TGFB1I1: variants seen among roughly 807,000 people sequenced by gnomAD.
The protein encoded by TGFB1I1 is transforming growth factor beta 1 induced transcript 1.
A neutral mutation model predicts 52.0 loss-of-function variants in TGFB1I1; 33 were observed. The observed-to-expected ratio is 0.63, with a 90% CI of 0.48 to 0.85. The LOEUF (loss-of-function observed/expected upper bound fraction) is 0.85, where lower values mean the gene tolerates loss of function less well. Ranked by LOEUF, TGFB1I1 falls within the 40% of genes least tolerant of loss-of-function variation. The probability of loss-of-function intolerance (pLI) is 0.00; values close to 1 mark genes in which losing one functional copy is unlikely to be tolerated. For missense variants in TGFB1I1, 577 were observed against 614.9 expected, an observed-to-expected ratio of 0.94 and a Z score of 0.65; for synonymous variants, 236 against 253.3, an observed-to-expected ratio of 0.93 and a Z score of 0.65.
Position 31,474,534 on chromosome 16 carries a change from A to T in TGFB1I1, c.520-29A>T. The T allele has an allele frequency of 1.2e-6, 2 of 1,611,012 alleles. No homozygotes were observed. The highest frequency in any genetic ancestry group is 8.5e-7 in the Non-Finnish European group (1 of 1,177,996). On this transcript the variant is annotated intron_variant, in intron 6 of 10. Transcript: ENST00000394863. This position sits in a 1 kb window ranked among gnomAD's most constrained non-coding sequence, Gnocchi z 4.2. ...CAATTCCACATCTGCTGCTTTGCTGACTCAATTCTCATGTCCTCCCCGCTG... is the reference window on the plus strand; with the variant it reads ...CAATTCCACATCTGCTGCTTTGCTGTCTCAATTCTCATGTCCTCCCCGCTG...
chr16:31,472,306 G>A, intron 1 of TGFB1I1, 105 bp downstream of exon 1: 1 of 1,360,592 alleles, frequency 7.3e-7, no homozygotes, highest in Non-Finnish European at 9.5e-7. Context: ...TCTTACTTCT[G>A]CTTTTCGCCT....
intron 1 of TGFB1I1, 22 bp downstream of exon 1, chr16:31,472,223 G>A (rs763499552): frequency 1.3e-6 from 2 of 1,489,438 alleles, no homozygotes; most frequent in African/African-American, 2.9e-5. Context: ...CGGATCCCCG[G>A]GTCCGTGGCC....
In TGFB1I1 at chr16:31,474,371, C is replaced by T. The variant is rs766555107; in HGVS notation, c.435C>T (p.Gly145=). 3 of 1,614,204 alleles carry T rather than the reference C, an allele frequency of 1.9e-6. No individual in the cohort carries two copies. The highest frequency in any genetic ancestry group is 2.5e-6 in the Non-Finnish European group (3 of 1,180,048). ...ACAGCCCTTCCAGCCCGTCTCCTGG[C>T]CTCCCAAAGGCTTCTGCCACCTCAG... ...RPSLPSSPSP[G]LPKASATSAT... is the part of the protein sequence containing the mutation. Residue 145 remains glycine, a synonymous_variant, in exon 6 of 11, where the codon GGC becomes GGT. Coordinates refer to ENST00000394863, the MANE Select transcript of TGFB1I1 (RefSeq NM_001042454.3). This position sits in a 1 kb window ranked among gnomAD's most constrained non-coding sequence, Gnocchi z 4.2.
intron 1 of TGFB1I1, chr16:31,473,064 G>T: frequency 2.6e-6 from 1 of 377,514 alleles, no homozygotes; most frequent in Non-Finnish European, 3.8e-6. Flanking sequence ...TGTGTAGGTA[G>T]AGGGAGGAGT....
rs766950842 is a variant in TGFB1I1 at position 31,476,421 on chromosome 16, G to C, written c.889-60G>C. On this transcript the variant is annotated intron_variant, in intron 8 of 10. Coordinates refer to ENST00000394863, the MANE Select transcript of TGFB1I1 (RefSeq NM_001042454.3). This position sits in a 1 kb window ranked among gnomAD's most constrained non-coding sequence, Gnocchi z 7.6. ...CTTAGTCCAGTCACCCGGGTTCCGC[G>C]CGGGAGAGGAAGGCGCGAAGGCACG... The C allele has an allele frequency of 2.9e-5, 45 of 1,533,722 alleles. No homozygotes were observed. The highest frequency in any genetic ancestry group is 3.8e-5 in the Non-Finnish European group (43 of 1,123,134).
rs1354983429 is a variant in TGFB1I1 at position 31,474,710 on chromosome 16, C to G, written c.667C>G (p.Gln223Glu). 6.2e-7 allele frequency: 1 copy of G among 1,612,660 alleles called. No individual in the cohort carries two copies. The highest frequency in any genetic ancestry group is 8.5e-7 in the Non-Finnish European group (1 of 1,179,616). The change falls in exon 7 of 11, where the codon CAG (glutamine) becomes GAG (glutamate). Residue 223 changes from glutamine (Q) to glutamate (E), a missense_variant. Gln to Glu is a conservative substitution (Grantham distance 29). Coordinates refer to ENST00000394863, the MANE Select transcript of TGFB1I1 (RefSeq NM_001042454.3). This position sits in a 1 kb window ranked among gnomAD's most constrained non-coding sequence, Gnocchi z 4.2. ...CCTCAGCCGCCGGGGTGTTCCCACC[C>G]AGGCCAAAGGCCTCTGTGGCTCCTG... ...SDLSRRGVPTQAKGLCGSCNK... is the reference protein window; with the variant it reads ...SDLSRRGVPTEAKGLCGSCNK...
intron 1 of TGFB1I1, 186 bp downstream of exon 1, chr16:31,472,387 C>G (rs2082396373): frequency 9.3e-7 from 1 of 1,075,448 alleles, no homozygotes; most frequent in Non-Finnish European, 1.2e-6. Context: ...CTGGGCCGGC[C>G]GCTCCCTCCC....
At chr16:31,473,416 T>C (rs1203092276) in intron 1 of TGFB1I1, 25 bp from the exon 2 acceptor site, 1 of 1,602,920 alleles carries the variant, frequency 6.2e-7, no homozygotes. Flanking sequence ...CCCTTGTCTC[T>C]CTCCCTGATG....
Position 31,474,213 on chromosome 16 carries a change from G to C in TGFB1I1, c.387G>C (p.Gln129His), listed in dbSNP as rs45475699. 4.9e-3 allele frequency: 7,861 copies of C among 1,614,148 alleles called. 313 individuals carry two copies. In the African/African-American group the frequency reaches 0.091, roughly 19 times the overall value. ...KVASGEQKED[Q>H]SEDKKRPSLP... ...CTTCAGGAGAGCAGAAGGAGGACCA[G>C]TCTGAAGATAAGAAAAGACCCAGCC... Residue 129 changes from glutamine to histidine, a missense_variant, in exon 5 of 11, where the codon CAG (glutamine) becomes CAC (histidine). This residue lies in a region of TGFB1I1 where 456 missense variants were observed against 461.6 expected (regional missense o/e 0.99). Coordinates refer to ENST00000394863, the MANE Select transcript of TGFB1I1 (RefSeq NM_001042454.3). This position sits in a 1 kb window ranked among gnomAD's most constrained non-coding sequence, Gnocchi z 4.2.
In TGFB1I1 at chr16:31,474,587, C is replaced by T; in HGVS notation, c.544C>T (p.Pro182Ser). Residue 182 changes from proline (P) to serine (S), a missense_variant, in exon 7 of 11, where the codon CCA becomes TCA. Pro to Ser is a moderately conservative substitution (Grantham distance 74). Coordinates refer to ENST00000394863, the MANE Select transcript of TGFB1I1 (RefSeq NM_001042454.3). This position sits in a 1 kb window ranked among gnomAD's most constrained non-coding sequence, Gnocchi z 4.2. ...NHLPASGPTQPPVVSSTNEGS... is the reference protein window; with the variant it reads ...NHLPASGPTQSPVVSSTNEGS... The stretch of plus-strand genomic sequence containing the variant: ...GCTTCCAGCCTCTGGGCCAACTCAG[C>T]CACCGGTGGTGAGCTCCACAAATGA... 1 of 1,608,404 alleles carries T rather than the reference C, an allele frequency of 6.2e-7. No individual in the cohort carries two copies. Among genetic ancestry groups the T allele is most frequent in the Non-Finnish European group, 8.5e-7 (1 of 1,176,270 alleles).
chr16:31,472,381 G>A (rs1465831540), intron 1 of TGFB1I1, 180 bp downstream of exon 1: 5 of 1,104,920 alleles, frequency 4.5e-6, no homozygotes, highest in Admixed American at 4.0e-5. Flanking sequence ...CCTTTCCTGG[G>A]CCGGCCGCTC....
At position 31,477,575 on chromosome 16, in the gene TGFB1I1, G is replaced by C. The variant is rs2082435030; in HGVS notation, c.1385G>C (p.Ter462SerextTer41). The C allele has an allele frequency of 3.1e-6, 5 of 1,599,720 alleles. No homozygotes were observed. The highest frequency in any genetic ancestry group is 4.3e-6 in the Non-Finnish European group (5 of 1,173,998). The change falls in exon 11 of 11, where the codon TGA (stop) becomes TCA (serine). Residue 462 changes from the stop codon to serine, a stop_lost. Coordinates refer to ENST00000394863, the MANE Select transcript of TGFB1I1 (RefSeq NM_001042454.3). This position sits in a 1 kb window ranked among gnomAD's most constrained non-coding sequence, Gnocchi z 4.7. The part of the protein sequence containing the change: ...CQPCFLKLFG[*>S] ...CCCTGCTTCCTGAAGCTCTTCGGCT[G>C]ACAGCCCGCTCGGCTCGCCCTCTCC...
chr16:31,477,179 G>T lies in TGFB1I1; in HGVS notation c.1120-131G>T. On this transcript the variant is annotated intron_variant, in intron 10 of 10. Transcript: ENST00000394863. The surrounding 1 kb of genome is among the most constrained non-coding windows in gnomAD (Gnocchi z 4.7). Reference sequence around the variant, plus strand: ...CGGGTGGGGCGAGTTTTCCGGGCAGGGTCCCACCGGACGGGATTCTTCGCG... The same window carrying T: ...CGGGTGGGGCGAGTTTTCCGGGCAGTGTCCCACCGGACGGGATTCTTCGCG... 1 of 1,444,674 alleles carries T rather than the reference G, an allele frequency of 6.9e-7. No individual in the cohort carries two copies. Among genetic ancestry groups the T allele is most frequent in the Non-Finnish European group, 9.2e-7 (1 of 1,084,270 alleles). 89.5% of individuals were successfully genotyped at this position (1,444,674 alleles called of 1,614,324 possible).
rs759807195 is a variant in TGFB1I1 at position 31,477,370 on chromosome 16, G to A, written c.1180G>A (p.Glu394Lys). The change falls in exon 11 of 11, where the codon GAG becomes AAG. Residue 394 changes from glutamate (E) to lysine (K), a missense_variant. By Grantham distance (56) the Glu-to-Lys change is moderately conservative. Transcript: ENST00000394863. The surrounding 1 kb of genome is among the most constrained non-coding windows in gnomAD (Gnocchi z 4.7). ...CGAGCACGAGGGCCGCCCGTTGTGC[G>A]AGAACCACTTCCACGCACGACGCGG... Reference protein sequence around the residue: ...FFEHEGRPLCENHFHARRGSL... With the variant: ...FFEHEGRPLCKNHFHARRGSL... 1.9e-6 allele frequency: 3 copies of A among 1,612,204 alleles called. No individual in the cohort carries two copies. Among genetic ancestry groups the A allele is most frequent in the South Asian group, 1.1e-5 (1 of 90,970 alleles).
rs1264069795 is a variant in TGFB1I1, at chr16:31,477,065, G to T, written c.1119+55G>T. The stretch of plus-strand genomic sequence containing the variant: ...GGCGGGTCAAGGGTACAGGGCTGTG[G>T]GGCGGGGCCTTGGAGGGGCGGGTCA... On this transcript the variant is annotated intron_variant, in intron 10 of 10. Coordinates refer to ENST00000394863, the MANE Select transcript of TGFB1I1 (RefSeq NM_001042454.3). This position sits in a 1 kb window ranked among gnomAD's most constrained non-coding sequence, Gnocchi z 4.7. 6.7e-7 allele frequency: 1 copy of T among 1,502,210 alleles called. No individual in the cohort carries two copies. Among genetic ancestry groups the T allele is most frequent in the Non-Finnish European group, 8.9e-7 (1 of 1,126,384 alleles). The allele number at this position is 1,502,210 out of a possible 1,614,324, so 93.1% of individuals were successfully genotyped here.
intron 1 of TGFB1I1, chr16:31,472,567 A>G (rs1003286798): frequency 4.5e-6 from 1 of 224,686 alleles, no homozygotes. Flanking sequence ...AGTTTTGGAG[A>G]AAAAAAGCGG....
At chr16:31,473,219 T>C in intron 1 of TGFB1I1, 1 of 1,360,630 alleles carries the variant, frequency 7.3e-7, no homozygotes, top group Non-Finnish European at 9.5e-7. Context: ...AATAAAATAA[T>C]CAGGAGGCTG....
Position 31,476,513 on chromosome 16 carries a change from C to G in TGFB1I1, c.921C>G (p.His307Gln), listed in dbSNP as rs778078477. 1.1e-5 allele frequency: 18 copies of G among 1,613,418 alleles called. No individual in the cohort carries two copies. In the African/African-American group the frequency reaches 2.4e-4, roughly 22 times the overall value. ...TGACCGCCTTGGGCACTCACTGGCA[C>G]CCAGAGCATTTCTGCTGCGTCAGTT... ...KMVTALGTHW[H>Q]PEHFCCVSCG... Residue 307 changes from histidine to glutamine, a missense_variant, in exon 9 of 11, where the codon CAC (histidine) becomes CAG (glutamine). This residue lies in a region of TGFB1I1 where 456 missense variants were observed against 461.6 expected (regional missense o/e 0.99). Transcript: ENST00000394863. This position sits in a 1 kb window ranked among gnomAD's most constrained non-coding sequence, Gnocchi z 7.6.
At position 31,476,687 on chromosome 16, in the gene TGFB1I1, C is replaced by G; in HGVS notation, c.970+125C>G. 1 of 1,430,428 alleles carries G rather than the reference C, an allele frequency of 7.0e-7. No homozygotes were observed. The highest frequency in any genetic ancestry group is 9.5e-7 in the Non-Finnish European group (1 of 1,050,290). The allele number at this position is 1,430,428 out of a possible 1,614,324, so 88.6% of individuals were successfully genotyped here. On this transcript the variant is annotated intron_variant, in intron 9 of 10. Coordinates refer to ENST00000394863, the MANE Select transcript of TGFB1I1 (RefSeq NM_001042454.3). The surrounding 1 kb of genome is among the most constrained non-coding windows in gnomAD (Gnocchi z 7.6). ...TTCTGCTCTCTTCTGGCCCTGCCCT[C>G]TCCTACACAGACTCCGGACCCGAGC...
Sources: gnomAD v4.1 joint callset for allele counts on GRCh38, gnomAD v4.1.1 for gene constraint, gnomAD v4.1.1 regional missense constraint, Gnocchi (gnomAD v3.1) non-coding constraint, MANE v1.5 for transcripts, NCBI Gene and HGNC (gene_info 2026-07-23, HGNC 2026-07-21) for gene names.